EFNA2: variants seen among roughly 807,000 people sequenced by gnomAD.
The protein encoded by EFNA2 is ephrin A2, also known as ephrin-A2.
In EFNA2, 18 loss-of-function variants were observed where a neutral mutation model predicts 19.7. That is an observed-to-expected ratio of 0.91 (90% CI 0.63 to 1.35). The LOEUF (loss-of-function observed/expected upper bound fraction) is 1.35. Ranked by LOEUF, EFNA2 falls within the 40% of genes most tolerant of loss-of-function variation. The pLI, the probability that EFNA2 is intolerant of heterozygous loss-of-function variation, is 0.00. For synonymous variants in EFNA2, 187 were observed against 137.8 expected, an observed-to-expected ratio of 1.36 and a Z score of -2.50; for missense variants, 303 against 296.0, an observed-to-expected ratio of 1.02 and a Z score of -0.17.
At chr19:1,290,843 C>T (rs999426398) in intron 1 of EFNA2, among the ~76,000 whole-genome samples, 1 of 152,204 alleles carries the variant, frequency 6.6e-6, no homozygotes, top group Non-Finnish European at 1.5e-5. Flanking sequence ...GCAGACGAGC[C>T]GGCGGGGTTT....
In EFNA2 at chr19:1,296,300, C is replaced by T. The variant is rs1409134803; in HGVS notation, c.454+442C>T. 6.6e-6 allele frequency among the ~76,000 whole-genome samples: 1 copy of T among 152,134 alleles called. No individual in the cohort carries two copies. The highest frequency in any genetic ancestry group is 1.5e-5 in the Non-Finnish European group (1 of 68,010). On this transcript the variant is annotated intron_variant, in intron 2 of 3. Transcript: ENST00000215368. The surrounding 1 kb of genome is among the most constrained non-coding windows in gnomAD (Gnocchi z 4.4). ...TAGACCTGGCTCAGCCCCCCGATAG[C>T]GAGACCAGGGTGCCCGAGCCCCAGC...
rs550606653 is a variant in EFNA2, at chr19:1,291,955, C to T, written c.141-3590C>T. Among the ~76,000 whole-genome samples the T allele has an allele frequency of 2.7e-3, 407 of 152,262 alleles. 1 individual carries two copies. The highest frequency in any genetic ancestry group is 2.8e-3 in the Non-Finnish European group (191 of 68,014). On this transcript the variant is annotated intron_variant, in intron 1 of 3. Coordinates refer to ENST00000215368, the MANE Select transcript of EFNA2 (RefSeq NM_001405.4). Reference sequence around the variant, plus strand: ...GTGAGTGTGGGGGGAAGGTGTGGCCCGGCAGAGGGAACCCGGAGGAGTAAA... The same window carrying T: ...GTGAGTGTGGGGGGAAGGTGTGGCCTGGCAGAGGGAACCCGGAGGAGTAAA...
chr19:1,286,314 C>G lies in EFNA2; in HGVS notation c.140+6C>G. On this transcript the variant is annotated splice_donor_region_variant and intron_variant, in intron 1 of 3. Transcript: ENST00000215368. This position sits in a 1 kb window ranked among gnomAD's most constrained non-coding sequence, Gnocchi z 5.6. ...TGGAACCGCAGCAACCCCAGGTGAG[C>G]GCGGCCGCGCGCGGGGGGCGCCCGG... 1 of 991,436 alleles carries G rather than the reference C, an allele frequency of 1.0e-6. No homozygotes were observed. The highest frequency in any genetic ancestry group is 6.2e-5 in the Admixed American group (1 of 16,022). 61.4% of individuals were successfully genotyped at this position (991,436 alleles called of 1,614,324 possible). A position where few individuals can be genotyped will look rare whatever the true frequency, so the allele number is the denominator to read the frequency against.
chr19:1,292,687 G>C (rs2081497017), intron 1 of EFNA2, among the ~76,000 whole-genome samples: 1 of 152,314 alleles, frequency 6.6e-6, no homozygotes, highest in East Asian at 1.9e-4. Context: ...GGCCACACAG[G>C]CCTGGAGGGG....
rs1479079262 is a variant in EFNA2 at position 1,299,856 on chromosome 19, T to C, written c.553T>C (p.Phe185Leu). The C allele has an allele frequency of 2.5e-6, 4 of 1,604,976 alleles. No homozygotes were observed. Among genetic ancestry groups the C allele is most frequent in the Non-Finnish European group, 8.5e-7 (1 of 1,178,116 alleles). ...CCTGTACGAGGCTCCTGAGCCCATC[T>C]TCACCAGCAATAACTCGTGTAGCAG... ...ETLYEAPEPIFTSNNSCSSPG... is the reference protein window; with the variant it reads ...ETLYEAPEPILTSNNSCSSPG... Residue 185 changes from phenylalanine to leucine, a missense_variant, in exon 4 of 4, where the codon TTC becomes CTC. Coordinates refer to ENST00000215368, the MANE Select transcript of EFNA2 (RefSeq NM_001405.4).
At position 1,299,872 on chromosome 19, in the gene EFNA2, C is replaced by G; in HGVS notation, c.569C>G (p.Ser190Trp). The change falls in exon 4 of 4, where the codon TCG (serine) becomes TGG (tryptophan). Residue 190 changes from serine to tryptophan, a missense_variant. Physicochemically the swap from Ser to Trp is radical, Grantham distance 177 (BLOSUM62 -3). Coordinates refer to ENST00000215368, the MANE Select transcript of EFNA2 (RefSeq NM_001405.4). ...APEPIFTSNNSCSSPGGCRLF... is the reference protein window; with the variant it reads ...APEPIFTSNNWCSSPGGCRLF... ...GAGCCCATCTTCACCAGCAATAACT[C>G]GTGTAGCAGCCCGGGCGGCTGCCGC... is the stretch of plus-strand genomic sequence containing the variant. 6.2e-7 allele frequency: 1 copy of G among 1,604,690 alleles called. No homozygotes were observed. Among genetic ancestry groups the G allele is most frequent in the South Asian group, 1.1e-5 (1 of 90,280 alleles).
At chr19:1,290,946 T>G (rs953126136) in intron 1 of EFNA2, among the ~76,000 whole-genome samples, 3 of 152,164 alleles carry the variant, frequency 2.0e-5, no homozygotes, top group African/African-American at 7.2e-5. Context: ...CAGGCTGGTG[T>G]GGGGTCTGGC....
upstream of EFNA2, among the ~76,000 whole-genome samples, chr19:1,285,068 C>T (rs2081457012): frequency 6.6e-6 from 1 of 152,186 alleles, no homozygotes. This position sits in a 1 kb window ranked among gnomAD's most constrained non-coding sequence, Gnocchi z 4.1. Flanking sequence ...GCCAACATGG[C>T]CAGACACTGT....
In EFNA2 at chr19:1,300,695, C is replaced by G. The variant is rs1430285091; in HGVS notation, c.*750C>G. Reference sequence around the variant, plus strand: ...AGACCTCATACCCCATCGCCCACCCCCGTCCTCCTGGTCATTTCCTCCCAG... The same window carrying G: ...AGACCTCATACCCCATCGCCCACCCGCGTCCTCCTGGTCATTTCCTCCCAG... On this transcript the variant is annotated 3_prime_UTR_variant, in exon 4 of 4. Transcript: ENST00000215368. Among the ~76,000 whole-genome samples, 1 of 152,142 alleles carries G rather than the reference C, an allele frequency of 6.6e-6. No homozygotes were observed. Among genetic ancestry groups the G allele is most frequent in the Non-Finnish European group, 1.5e-5 (1 of 68,008 alleles).
chr19:1,300,241 ATTTTTTTTT>A lies in EFNA2; in HGVS notation c.*323_*331del, dbSNP rs58281257. The A allele has an allele frequency of 0.047, 2,004 of 42,544 alleles. 52 individuals carry two copies. The highest frequency in any genetic ancestry group is 0.13 in the African/African-American group (1,678 of 12,784). The allele number at this position is 42,544 out of a possible 1,614,324, so 2.6% of individuals were successfully genotyped here. ...CGGAGAACCCGGGAACCTCTTGGCG[ATTTTTTTTT>A]TTTTTTTTTTTTTTTTTTTTTTTTT... On this transcript the variant is annotated 3_prime_UTR_variant, in exon 4 of 4. Coordinates refer to ENST00000215368, the MANE Select transcript of EFNA2 (RefSeq NM_001405.4).
chr19:1,296,419 G>A lies in EFNA2; in HGVS notation c.454+561G>A, dbSNP rs111239119. On this transcript the variant is annotated intron_variant, in intron 2 of 3. Transcript: ENST00000215368. This position sits in a 1 kb window ranked among gnomAD's most constrained non-coding sequence, Gnocchi z 4.4. ...AGGCTGAGTGCTGGGGCTTACTCCT[G>A]CAATCCCAGCACTTTGGGATGCCGA... 5.1e-4 allele frequency among the ~76,000 whole-genome samples: 78 copies of A among 152,332 alleles called. No homozygotes were observed. The highest frequency in any genetic ancestry group is 1.9e-3 in the African/African-American group (77 of 41,570).
At position 1,287,782 on chromosome 19, in the gene EFNA2, G is replaced by A. The variant is rs546014475; in HGVS notation, c.140+1474G>A. On this transcript the variant is annotated intron_variant, in intron 1 of 3. Transcript: ENST00000215368. The surrounding 1 kb of genome is among the most constrained non-coding windows in gnomAD (Gnocchi z 6.2). ...CCGTGCGGGGAGTCCAGCGGGCAGC[G>A]CTTCCCCGGCCCAAGTTTTTGGTTT... Among the ~76,000 whole-genome samples the A allele has an allele frequency of 6.5e-4, 99 of 152,370 alleles. No homozygotes were observed. Among genetic ancestry groups the A allele is most frequent in the African/African-American group, 2.0e-3 (85 of 41,596 alleles).
At chr19:1,285,615 G>A (rs1399411729), upstream of EFNA2, among the ~76,000 whole-genome samples, 4 of 152,004 alleles carry the variant, frequency 2.6e-5, no homozygotes, top group Admixed American at 2.6e-4. This position sits in a 1 kb window ranked among gnomAD's most constrained non-coding sequence, Gnocchi z 4.1. Context: ...GGGCCGGGCC[G>A]GGTGGAGCGC....
chr19:1,299,954 C>G lies in EFNA2; in HGVS notation c.*9C>G, dbSNP rs2081533107. 6.3e-7 allele frequency: 1 copy of G among 1,594,324 alleles called. No homozygotes were observed. Among genetic ancestry groups the G allele is most frequent in the Non-Finnish European group, 8.5e-7 (1 of 1,175,910 alleles). On this transcript the variant is annotated 3_prime_UTR_variant, in exon 4 of 4. Coordinates refer to ENST00000215368, the MANE Select transcript of EFNA2 (RefSeq NM_001405.4). ...CCCTCCTGGGTTCCTAGTCCCAGCC[C>G]CGCAGGACGCCGACCCTGCCTGGAC... is the stretch of plus-strand genomic sequence containing the variant.
chr19:1,286,029 C>A lies in EFNA2; in HGVS notation c.-140C>A, dbSNP rs1394822918. ...TCGCGCGCGCGGAGGCGGGGGCGGC[C>A]CGGGATCTCCAAGCGCCGCCGCGCC... On this transcript the variant is annotated 5_prime_UTR_variant, in exon 1 of 4. Transcript: ENST00000215368. The surrounding 1 kb of genome is among the most constrained non-coding windows in gnomAD (Gnocchi z 5.6). The A allele has an allele frequency of 1.2e-5, 2 of 166,212 alleles. No individual in the cohort carries two copies. Among genetic ancestry groups the A allele is most frequent in the Non-Finnish European group, 2.4e-5 (2 of 84,742 alleles). The allele number at this position is 166,212 out of a possible 1,614,324, so 10.3% of individuals were successfully genotyped here. A position where few individuals can be genotyped will look rare whatever the true frequency, so the allele number is the denominator to read the frequency against.
At position 1,299,854 on chromosome 19, in the gene EFNA2, T is replaced by C. The variant is rs2081532315; in HGVS notation, c.551T>C (p.Ile184Thr). ...ACCCTGTACGAGGCTCCTGAGCCCA[T>C]CTTCACCAGCAATAACTCGTGTAGC... is the stretch of plus-strand genomic sequence containing the variant. Reference protein sequence around the residue: ...NETLYEAPEPIFTSNNSCSSP... With the variant: ...NETLYEAPEPTFTSNNSCSSP... Residue 184 changes from isoleucine to threonine, a missense_variant, in exon 4 of 4, where the codon ATC (isoleucine) becomes ACC (threonine). Transcript: ENST00000215368. The C allele has an allele frequency of 6.2e-7, 1 of 1,604,822 alleles. No individual in the cohort carries two copies. Among genetic ancestry groups the C allele is most frequent in the Non-Finnish European group, 8.5e-7 (1 of 1,177,998 alleles).
Position 1,295,818 on chromosome 19 carries a change from G to A in EFNA2, c.414G>A (p.Leu138=). The A allele has an allele frequency of 6.2e-7, 1 of 1,606,922 alleles. No individual in the cohort carries two copies. Among genetic ancestry groups the A allele is most frequent in the Non-Finnish European group, 8.5e-7 (1 of 1,178,092 alleles). Residue 138 remains leucine (L), a synonymous_variant, in exon 2 of 4, where the codon CTG becomes CTA. Transcript: ENST00000215368. This position sits in a 1 kb window ranked among gnomAD's most constrained non-coding sequence, Gnocchi z 5.8. ...EKFQLFTPFS[L]GFEFRPGHEY... ...TCCAGCTCTTCACGCCCTTCTCCCT[G>A]GGCTTCGAGTTCCGGCCCGGCCACG...
In EFNA2 at chr19:1,295,559, C is replaced by T. The variant is rs779126353; in HGVS notation, c.155C>T (p.Ala52Val). 10 of 1,594,850 alleles carry T rather than the reference C, an allele frequency of 6.3e-6. No individual in the cohort carries two copies. The South Asian group carries it at 1.0e-4, about 16-fold the overall frequency. ...NRSNPRFHAG[A>V]GDDGGGYTVE... ...TGTCCCCGCAGGTTCCACGCAGGCG[C>T]GGGGGACGACGGCGGGGGCTACACG... is the stretch of plus-strand genomic sequence containing the variant. Residue 52 changes from alanine to valine, a missense_variant, in exon 2 of 4, where the codon GCG (alanine) becomes GTG (valine). Transcript: ENST00000215368. The surrounding 1 kb of genome is among the most constrained non-coding windows in gnomAD (Gnocchi z 5.8).
In EFNA2 at chr19:1,287,749, G is replaced by C. The variant is rs150919508; in HGVS notation, c.140+1441G>C. 5.1e-4 allele frequency among the ~76,000 whole-genome samples: 77 copies of C among 152,362 alleles called. 2 individuals are homozygous for C. The East Asian group carries it at 0.013, about 26-fold the overall frequency. On this transcript the variant is annotated intron_variant, in intron 1 of 3. Transcript: ENST00000215368. This position sits in a 1 kb window ranked among gnomAD's most constrained non-coding sequence, Gnocchi z 6.2. The stretch of plus-strand genomic sequence containing the variant: ...GTCACATGTGGGTTTGATTAAGGCT[G>C]TCGCTGGCCGTGCGGGGAGTCCAGC...
Sources: allele counts gnomAD v4.1 joint callset (sites outside exome capture counted in the v4.1 genomes callset), GRCh38; gene constraint gnomAD v4.1.1; non-coding constraint Gnocchi (gnomAD v3.1); transcripts MANE v1.5; gene names NCBI Gene and HGNC (gene_info 2026-07-23, HGNC 2026-07-21).